The following SPAG16 variants were observed in gnomAD, a reference collection of about 807,000 sequenced individuals.
The protein encoded by SPAG16 is sperm-associated antigen 16 protein.
A neutral mutation model predicts 80.4 loss-of-function variants in SPAG16; 86 were observed. That is an observed-to-expected ratio of 1.07 (90% CI 0.90 to 1.28). The LOEUF (loss-of-function observed/expected upper bound fraction) is 1.28, where lower values mean the gene tolerates loss of function less well. SPAG16 is among the 50% of genes most tolerant of loss of function. The pLI is 0.00. For missense variants in SPAG16, 870 were observed against 765.3 expected (o/e 1.14, Z -1.61); for synonymous variants, 294 against 265.9 (o/e 1.11, Z -1.03).
intron 12 of SPAG16, among the ~76,000 whole-genome samples, chr2:213,991,588 C>G (rs1339238606): frequency 2.0e-5 from 3 of 152,100 alleles, no homozygotes; most frequent in Non-Finnish European, 2.9e-5. Flanking sequence ...CGCACTTGTC[C>G]CACGCTGCAT....
At chr2:213,659,958 T>C (rs1328830927) in intron 10 of SPAG16, among the ~76,000 whole-genome samples, 2 of 152,162 alleles carry the variant, frequency 1.3e-5, no homozygotes, top group East Asian at 3.8e-4. Context: ...GTGAGTCCAT[T>C]GGGATTCTTT....
chr2:214,069,748 T>A (rs576561790), intron 13 of SPAG16, among the ~76,000 whole-genome samples: 15 of 152,200 alleles, frequency 9.9e-5, no homozygotes, highest in African/African-American at 3.4e-4. Context: ...GAAACTTCTA[T>A]ATCTACTCAT....
At chr2:213,675,102 C>T (rs12328993) in intron 10 of SPAG16, among the ~76,000 whole-genome samples, 58,757 of 150,510 alleles carry the variant, frequency 0.39, 12,133 homozygotes, top group African/African-American at 0.5. Context: ...TGATATCTCA[C>T]TGTGGTTTTG....
intron 15 of SPAG16, among the ~76,000 whole-genome samples, chr2:214,375,505 C>T (rs1003912202): frequency 3.4e-4 from 51 of 152,164 alleles, no homozygotes; most frequent in African/African-American, 1.1e-3. Context: ...TGAGAGTGCA[C>T]GCTAGACACC....
At chr2:214,172,394 T>C (rs1001043123) in intron 15 of SPAG16, among the ~76,000 whole-genome samples, 2 of 152,044 alleles carry the variant, frequency 1.3e-5, no homozygotes, top group Non-Finnish European at 2.9e-5. Context: ...TGATTTCCAA[T>C]TTCATCCATG....
chr2:213,377,085 C>T (rs528940990), intron 9 of SPAG16, among the ~76,000 whole-genome samples: 1 of 152,264 alleles, frequency 6.6e-6, no homozygotes, highest in Non-Finnish European at 1.5e-5. Flanking sequence ...TAAGTTCATA[C>T]ATCTGAAATA....
Position 213,742,065 on chromosome 2 carries a change from G to A in SPAG16, c.1071-120420G>A, listed in dbSNP as rs967095940. On this transcript the variant is annotated intron_variant, in intron 10 of 15. Transcript: ENST00000331683. ...AATTGGAGCATTAAATCAATTTATA[G>A]TTGATGTAATACCAATGTGTTTGGG... Among the ~76,000 whole-genome samples, 2 of 150,514 alleles carry A rather than the reference G, an allele frequency of 1.3e-5. 1 individual carries two copies.
intron 9 of SPAG16, among the ~76,000 whole-genome samples, chr2:213,450,721 C>T (rs558574950): frequency 6.6e-6 from 1 of 152,138 alleles, no homozygotes; most frequent in Non-Finnish European, 1.5e-5. Flanking sequence ...GTGCACAAAA[C>T]TATTATATAT....
At chr2:213,420,065 A>G (rs1369746919) in intron 9 of SPAG16, among the ~76,000 whole-genome samples, 1 of 152,240 alleles carries the variant, frequency 6.6e-6, no homozygotes, top group East Asian at 1.9e-4. Context: ...TTAAGCAATA[A>G]CTAAAGCAAT....
intron 8 of SPAG16, among the ~76,000 whole-genome samples, chr2:213,365,858 A>G (rs1451746769): frequency 2.0e-5 from 3 of 151,734 alleles, no homozygotes; most frequent in African/African-American, 4.8e-5. Flanking sequence ...AAGAAGAAAG[A>G]TAGGCCGGGC....
chr2:213,301,511 A>G lies in SPAG16; in HGVS notation c.279+4154A>G, dbSNP rs13383491. 4.5e-3 allele frequency among the ~76,000 whole-genome samples: 678 copies of G among 152,248 alleles called. 5 individuals carry two copies. The highest frequency in any genetic ancestry group is 0.015 in the African/African-American group (638 of 41,560). Reference sequence around the variant, plus strand: ...TGGTTTAGCACTTCTTTGCAATTCAACATTTAATTAGTTCTTAAGTCTGGA... The same window carrying G: ...TGGTTTAGCACTTCTTTGCAATTCAGCATTTAATTAGTTCTTAAGTCTGGA... On this transcript the variant is annotated intron_variant, in intron 3 of 15. Transcript: ENST00000331683.
chr2:213,989,173 T>C (rs1279950715), intron 12 of SPAG16, among the ~76,000 whole-genome samples: 2 of 152,146 alleles, frequency 1.3e-5, no homozygotes, highest in African/African-American at 4.8e-5. Flanking sequence ...AGAATGATTC[T>C]CCAATTAGTT....
chr2:213,466,192 G>T (rs1281478421), intron 9 of SPAG16, among the ~76,000 whole-genome samples: 2 of 152,114 alleles, frequency 1.3e-5, no homozygotes, highest in Non-Finnish European at 2.9e-5. Flanking sequence ...CCTACTGTGG[G>T]ACCTCACTTT....
chr2:213,679,245 G>A (rs567206468), intron 10 of SPAG16, among the ~76,000 whole-genome samples: 1 of 152,272 alleles, frequency 6.6e-6, no homozygotes, highest in Admixed American at 6.5e-5. Context: ...AAATTGCTTT[G>A]ACTGGAAACC....
intron 10 of SPAG16, among the ~76,000 whole-genome samples, chr2:213,536,863 C>T (rs1225885011): frequency 2.0e-5 from 3 of 152,008 alleles, no homozygotes; most frequent in Non-Finnish European, 2.9e-5. Context: ...CACATGCACA[C>T]GTATGTTTAT....
intron 15 of SPAG16, among the ~76,000 whole-genome samples, chr2:214,163,653 A>G (rs866805689): frequency 5.5e-5 from 6 of 109,386 alleles, no homozygotes; most frequent in African/African-American, 1.1e-4. Flanking sequence ...GAGAGAGAGA[A>G]AGAGAGAGAG....
intron 9 of SPAG16, among the ~76,000 whole-genome samples, chr2:213,439,545 A>T (rs947597441): frequency 1.3e-5 from 2 of 152,184 alleles, no homozygotes; most frequent in Non-Finnish European, 2.9e-5. Flanking sequence ...ATGAACCTGG[A>T]TGAAAGGAAA....
At chr2:213,687,054 T>G (rs894641138) in intron 10 of SPAG16, among the ~76,000 whole-genome samples, 34 of 152,140 alleles carry the variant, frequency 2.2e-4, no homozygotes, top group African/African-American at 8.0e-4. Flanking sequence ...TTTCCTGCTT[T>G]CTTTAGGATT....
At chr2:213,779,122 A>G (rs1450945564) in intron 10 of SPAG16, among the ~76,000 whole-genome samples, 5 of 152,166 alleles carry the variant, frequency 3.3e-5, no homozygotes, top group Non-Finnish European at 5.9e-5. Context: ...CTTTAAAGAG[A>G]TGTATTCTTT....
Sources: gnomAD v4.1 joint callset for allele counts (sites outside exome capture counted in the v4.1 genomes callset) on GRCh38, gnomAD v4.1.1 for gene constraint, MANE v1.5 for transcripts, NCBI Gene and HGNC (gene_info 2026-07-23, HGNC 2026-07-21) for gene names.